MEF2C: variants seen among roughly 807,000 people sequenced by gnomAD.
MEF2C encodes the protein myocyte-specific enhancer factor 2C.
MEF2C carries 6 observed loss-of-function variants against 50.5 expected under a neutral mutation model. The ratio of observed to expected loss-of-function variants is 0.12; its 90% CI spans 0.07 to 0.23. The LOEUF is 0.23. MEF2C is among the 10% of genes least tolerant of loss of function. MEF2C has a pLI of 1.00. For synonymous variants in MEF2C, 183 were observed against 228.0 expected (o/e 0.80, Z 1.78); for missense variants, 276 against 605.0 (o/e 0.46, Z 5.70).
At chr5:88,735,309 A>G in intron 6 of MEF2C, 2 of 985,260 alleles carry the variant, frequency 2.0e-6, no homozygotes, top group Non-Finnish European at 2.4e-6. Context: ...GGGAAACACC[A>G]CCTCTCAACA....
At chr5:88,746,427 C>T (rs1769609441) in intron 6 of MEF2C, 3 of 750,352 alleles carry the variant, frequency 4.0e-6, no homozygotes, top group African/African-American at 2.0e-5. Flanking sequence ...TCATGAGACT[C>T]TCCCTCCCTC....
intron 3 of MEF2C, among the ~76,000 whole-genome samples, 197 bp from the exon 4 acceptor site, chr5:88,761,525 G>A (rs760865723): frequency 6.6e-6 from 1 of 152,156 alleles, no homozygotes; most frequent in Non-Finnish European, 1.5e-5. Context: ...AAAAGCGAAA[G>A]ATTCCTCTTG....
chr5:88,788,621 C>A (rs1027482481), intron 3 of MEF2C, among the ~76,000 whole-genome samples: 12 of 152,304 alleles, frequency 7.9e-5, no homozygotes, highest in African/African-American at 2.6e-4. Context: ...CCACTAGTCA[C>A]ATCTTGCTTG....
chr5:88,746,576 A>G, intron 6 of MEF2C: 2 of 985,356 alleles, frequency 2.0e-6, no homozygotes, highest in Middle Eastern at 5.2e-4. Context: ...AATTTCAATG[A>G]CAATATGCAA....
At chr5:88,774,761 A>C (rs1561952038) in intron 3 of MEF2C, among the ~76,000 whole-genome samples, 1 of 152,216 alleles carries the variant, frequency 6.6e-6, no homozygotes, top group Non-Finnish European at 1.5e-5. Flanking sequence ...TGATGAAAGA[A>C]AGTTTGATAG....
intron 2 of MEF2C, among the ~76,000 whole-genome samples, chr5:88,806,181 A>G (rs1800365891): frequency 6.6e-6 from 1 of 152,072 alleles, no homozygotes; most frequent in Non-Finnish European, 1.5e-5. Flanking sequence ...AAGCTAATTT[A>G]CTTAATTAAG....
intron 3 of MEF2C, chr5:88,772,109 T>G (rs1311797517): frequency 1.3e-5 from 2 of 152,252 alleles, no homozygotes; most frequent in African/African-American, 2.4e-5. Flanking sequence ...GCATTACCCT[T>G]GATGTACTTT....
chr5:88,764,807 C>CAAAAAAA (rs869119169), intron 3 of MEF2C, among the ~76,000 whole-genome samples: 4 of 73,804 alleles, frequency 5.4e-5, no homozygotes, highest in Non-Finnish European at 7.2e-5. Flanking sequence ...GACTCCATCT[C>CAAAAAAA]AAAAAAAAAA....
intron 1 of MEF2C, among the ~76,000 whole-genome samples, chr5:88,895,365 T>A (rs1835010859): frequency 6.6e-6 from 1 of 152,190 alleles, no homozygotes; most frequent in Non-Finnish European, 1.5e-5. Context: ...TTAGATAAAC[T>A]TTTTTGGGGT....
chr5:88,855,654 A>G (rs1019754614), intron 1 of MEF2C, among the ~76,000 whole-genome samples: 11 of 152,034 alleles, frequency 7.2e-5, no homozygotes, highest in African/African-American at 1.5e-4. Flanking sequence ...TCCTGATAGT[A>G]AGTGAGTTCT....
At chr5:88,867,372 A>G (rs572579212) in intron 1 of MEF2C, among the ~76,000 whole-genome samples, 12 of 152,182 alleles carry the variant, frequency 7.9e-5, no homozygotes, top group Non-Finnish European at 1.5e-4. Flanking sequence ...ACTTGAGACT[A>G]TCTGGGGTTG....
intron 3 of MEF2C, among the ~76,000 whole-genome samples, chr5:88,783,939 C>G (rs1414791521): frequency 6.6e-6 from 1 of 152,072 alleles, no homozygotes; most frequent in East Asian, 1.9e-4. Flanking sequence ...TTGAATAAAA[C>G]AAAATCTACA....
intron 1 of MEF2C, among the ~76,000 whole-genome samples, chr5:88,879,478 A>C (rs1351353278): frequency 2.0e-5 from 3 of 151,814 alleles, no homozygotes; most frequent in Non-Finnish European, 4.4e-5. Context: ...TTTATGTAGA[A>C]TATATTTGGT....
In MEF2C at chr5:88,717,439, TAAGAGA is replaced by T. The variant is rs1469767392; in HGVS notation, c.*5159_*5164del. 1 of 152,228 alleles carries T rather than the reference TAAGAGA, an allele frequency of 6.6e-6. No individual in the cohort carries two copies. Among genetic ancestry groups the T allele is most frequent in the Non-Finnish European group, 1.5e-5 (1 of 68,044 alleles). The allele number at this position is 152,228 out of a possible 1,614,324, so 9.4% of individuals were successfully genotyped here. A position where few individuals can be genotyped will look rare whatever the true frequency, so the allele number is the denominator to read the frequency against. ...ATCTCCTATTAGTTTATAAGTTTCCTAAGAGAAAGGGCTACAACTTCATTCATCCTG... is the reference window on the plus strand; with the variant it reads ...ATCTCCTATTAGTTTATAAGTTTCCTAAGGGCTACAACTTCATTCATCCTG... On this transcript the variant is annotated 3_prime_UTR_variant, in exon 11 of 11. Coordinates refer to ENST00000504921, the MANE Select transcript of MEF2C (RefSeq NM_002397.5).
intron 3 of MEF2C, chr5:88,804,386 C>A (rs1480071268): frequency 3.8e-6 from 2 of 520,764 alleles, no homozygotes; most frequent in Admixed American, 3.2e-5. Context: ...AAGACCAGAT[C>A]TTACATGGTC....
intron 1 of MEF2C, among the ~76,000 whole-genome samples, chr5:88,853,955 T>C (rs187495515): frequency 1.3e-5 from 2 of 152,326 alleles, no homozygotes; most frequent in African/African-American, 4.8e-5. Flanking sequence ...ATGACCTCAC[T>C]TGTGACACAA....
At chr5:88,864,864 G>A (rs1192723576) in intron 1 of MEF2C, among the ~76,000 whole-genome samples, 1 of 151,440 alleles carries the variant, frequency 6.6e-6, no homozygotes. Flanking sequence ...TCCGCCTCCC[G>A]GGTTCAAGCG....
chr5:88,800,374 A>G (rs987112051), intron 3 of MEF2C, among the ~76,000 whole-genome samples: 2 of 152,212 alleles, frequency 1.3e-5, no homozygotes, highest in Non-Finnish European at 2.9e-5. Flanking sequence ...TTTGCCGTCC[A>G]ATTGTTCCCA....
intron 6 of MEF2C, chr5:88,740,116 A>G: frequency 1.0e-6 from 1 of 985,330 alleles, no homozygotes; most frequent in Non-Finnish European, 1.2e-6. Flanking sequence ...TTCTAAAAAG[A>G]GAGCTGTCTC....
Sources: allele counts gnomAD v4.1 joint callset (sites outside exome capture counted in the v4.1 genomes callset), GRCh38; gene constraint gnomAD v4.1.1; transcripts MANE v1.5; gene names NCBI Gene and HGNC (gene_info 2026-07-23, HGNC 2026-07-21).